CCDC85A: variants seen among roughly 807,000 people sequenced by gnomAD.
The protein encoded by CCDC85A is coiled-coil domain containing 85A.
Under a neutral mutation model 50.2 loss-of-function variants are expected in CCDC85A, and 38 were observed. That is an observed-to-expected ratio of 0.76 (90% CI 0.58 to 0.99). The LOEUF (loss-of-function observed/expected upper bound fraction) is 0.99. CCDC85A is among the 50% of genes least tolerant of loss of function. The pLI, the probability that CCDC85A is intolerant of heterozygous loss-of-function variation, is 0.00. For synonymous variants in CCDC85A, 366 were observed against 301.4 expected (o/e 1.21, Z -2.22); for missense variants, 820 against 742.0 (o/e 1.11, Z -1.22).
chr2:56,229,617 G>A (rs1190044063), intron 2 of CCDC85A, among the ~76,000 whole-genome samples: 1 of 152,128 alleles, frequency 6.6e-6, no homozygotes, highest in Non-Finnish European at 1.5e-5. Flanking sequence ...TGGTATCGTG[G>A]ACCTCTGGTT....
chr2:56,224,696 T>C (rs1668470972), intron 2 of CCDC85A, among the ~76,000 whole-genome samples: 1 of 152,190 alleles, frequency 6.6e-6, no homozygotes, highest in African/African-American at 2.4e-5. Context: ...TCATATTTCC[T>C]TGATTAATGA....
chr2:56,365,504 A>G (rs11691570), intron 3 of CCDC85A, among the ~76,000 whole-genome samples: 15,168 of 152,118 alleles, frequency 0.1, 823 homozygotes, highest in Middle Eastern at 0.13. Context: ...TCTCTCTGTA[A>G]CCCAGGAGCC....
At chr2:56,358,770 T>C (rs1675365516) in intron 3 of CCDC85A, among the ~76,000 whole-genome samples, 1 of 144,838 alleles carries the variant, frequency 6.9e-6, no homozygotes, top group Non-Finnish European at 1.5e-5. Context: ...TTATCTCTTA[T>C]ATTTTTGTCT....
chr2:56,342,513 GTTTA>G (rs1674424228), intron 2 of CCDC85A, among the ~76,000 whole-genome samples: 1 of 152,028 alleles, frequency 6.6e-6, no homozygotes, highest in African/African-American at 2.4e-5. Flanking sequence ...CTTCTCTTAG[GTTTA>G]TTTGTCTAGT....
intron 2 of CCDC85A, among the ~76,000 whole-genome samples, chr2:56,275,457 CA>C: frequency 1.5e-5 from 1 of 66,540 alleles, no homozygotes; most frequent in South Asian, 8.6e-4. Flanking sequence ...TCAGTTACAC[CA>C]GCTATTTAAC....
At chr2:56,382,464 A>T (rs9967725) in intron 5 of CCDC85A, among the ~76,000 whole-genome samples, 59,596 of 151,732 alleles carry the variant, frequency 0.39, 13,651 homozygotes, top group African/African-American at 0.65. Flanking sequence ...CTTCCCAAAC[A>T]GTGCTACAGA....
rs76867705 is a variant in CCDC85A, at chr2:56,328,493, T to C, written c.1241-14386T>C. Among the ~76,000 whole-genome samples the C allele has an allele frequency of 8.5e-3, 1,301 of 152,272 alleles. 23 individuals carry two copies. The highest frequency in any genetic ancestry group is 0.03 in the African/African-American group (1,228 of 41,566). Reference sequence around the variant, plus strand: ...ATACTTTCTTTCAACAGCTCTTCGCTGTGGACTTCACATTTAAACCAAGAC... The same window carrying C: ...ATACTTTCTTTCAACAGCTCTTCGCCGTGGACTTCACATTTAAACCAAGAC... On this transcript the variant is annotated intron_variant, in intron 2 of 5. Coordinates refer to ENST00000407595, the MANE Select transcript of CCDC85A (RefSeq NM_001080433.2).
chr2:56,245,461 T>G (rs894047221), intron 2 of CCDC85A, among the ~76,000 whole-genome samples: 3 of 152,232 alleles, frequency 2.0e-5, no homozygotes, highest in Admixed American at 1.3e-4. Flanking sequence ...AAGACTATCT[T>G]TCCTATCTTC....
chr2:56,204,057 A>G (rs1676856189), intron 2 of CCDC85A, among the ~76,000 whole-genome samples: 1 of 152,228 alleles, frequency 6.6e-6, no homozygotes, highest in South Asian at 2.1e-4. Flanking sequence ...GGCTTAGAAT[A>G]GAAATTTTTC....
intron 2 of CCDC85A, chr2:56,235,092 G>A (rs1668946406): frequency 6.6e-6 from 1 of 152,164 alleles, no homozygotes; most frequent in Non-Finnish European, 1.5e-5. Context: ...TACCATCAGT[G>A]AATTACATGA....
At chr2:56,346,185 A>G (rs780085123) in intron 3 of CCDC85A, among the ~76,000 whole-genome samples, 2 of 152,222 alleles carry the variant, frequency 1.3e-5, no homozygotes, top group Admixed American at 6.5e-5. Context: ...TAATGAACAG[A>G]AAGTCACAAC....
chr2:56,191,450 T>C (rs149601515), intron 1 of CCDC85A, among the ~76,000 whole-genome samples: 6 of 152,320 alleles, frequency 3.9e-5, no homozygotes, highest in African/African-American at 9.6e-5. Flanking sequence ...GCAGAATCAA[T>C]GTACCTGGAG....
chr2:56,195,165 C>A (rs946933664), intron 2 of CCDC85A, among the ~76,000 whole-genome samples: 1 of 152,142 alleles, frequency 6.6e-6, no homozygotes, highest in Non-Finnish European at 1.5e-5. Context: ...TTTCTCTTTA[C>A]AAAAGGGCTT....
intron 2 of CCDC85A, among the ~76,000 whole-genome samples, chr2:56,257,508 A>AGTT (rs1198699368): frequency 6.6e-6 from 1 of 152,110 alleles, no homozygotes; most frequent in Non-Finnish European, 1.5e-5. Flanking sequence ...AGGTGGGAGA[A>AGTT]GTTAGGGTTG....
chr2:56,380,434 C>A (rs1573378222), intron 5 of CCDC85A, among the ~76,000 whole-genome samples: 1 of 151,932 alleles, frequency 6.6e-6, no homozygotes, highest in African/African-American at 2.4e-5. Context: ...GTAGCACACA[C>A]CTATAGTCCC....
intron 2 of CCDC85A, among the ~76,000 whole-genome samples, chr2:56,327,144 A>T (rs1450311548): frequency 1.3e-5 from 2 of 152,218 alleles, no homozygotes; most frequent in African/African-American, 4.8e-5. Context: ...AAAGAATTGC[A>T]ACGTAATATA....
At chr2:56,379,746 C>G in intron 5 of CCDC85A, 2 of 971,400 alleles carry the variant, frequency 2.1e-6, no homozygotes, top group Non-Finnish European at 2.4e-6. Context: ...TTCAACAAAT[C>G]CAGGTCTTGG....
At chr2:56,374,161 A>C (rs1676217970) in intron 4 of CCDC85A, among the ~76,000 whole-genome samples, 1 of 152,152 alleles carries the variant, frequency 6.6e-6, no homozygotes. Flanking sequence ...TTTTAGTAGC[A>C]ATGGAGGACA....
At chr2:56,378,592 A>G (rs1370711771) in intron 5 of CCDC85A, among the ~76,000 whole-genome samples, 2 of 152,222 alleles carry the variant, frequency 1.3e-5, no homozygotes, top group African/African-American at 4.8e-5. Context: ...TGAGGTGAGT[A>G]TCAGGGCTCA....
Sources: gnomAD v4.1 joint callset for allele counts (sites outside exome capture counted in the v4.1 genomes callset) on GRCh38, gnomAD v4.1.1 for gene constraint, MANE v1.5 for transcripts, NCBI Gene and HGNC (gene_info 2026-07-23, HGNC 2026-07-21) for gene names.